The following SEMA5B variants were observed in gnomAD, a reference collection of about 807,000 sequenced individuals.
SEMA5B encodes semaphorin-5B.
A neutral mutation model predicts 135.0 loss-of-function variants in SEMA5B; 66 were observed. The observed-to-expected ratio is 0.49, with a 90% CI of 0.40 to 0.60. SEMA5B has a LOEUF of 0.60. Ranked by LOEUF, SEMA5B falls within the 20% of genes least tolerant of loss-of-function variation. The probability of loss-of-function intolerance (pLI) is 0.00; values close to 1 mark genes in which losing one functional copy is unlikely to be tolerated. For missense variants in SEMA5B, 1,501 were observed against 1,566.3 expected (o/e 0.96, Z 0.70); for synonymous variants, 690 against 639.5 (o/e 1.08, Z -1.19).
At chr3:122,961,779 C>T (rs1173545580) in intron 1 of SEMA5B, among the ~76,000 whole-genome samples, 3 of 152,120 alleles carry the variant, frequency 2.0e-5, no homozygotes, top group Admixed American at 2.0e-4. Flanking sequence ...CACACCAGGC[C>T]TCAAACACAC....
chr3:123,024,226 G>C (rs1156573446), intron 1 of SEMA5B, among the ~76,000 whole-genome samples: 1 of 152,098 alleles, frequency 6.6e-6, no homozygotes, highest in African/African-American at 2.4e-5. Flanking sequence ...CAAATAATTG[G>C]ACCCAATAGC....
intron 15 of SEMA5B, 44 bp downstream of exon 15, chr3:122,913,814 G>A (rs535420789): frequency 4.5e-6 from 7 of 1,567,220 alleles, no homozygotes; most frequent in South Asian, 3.6e-5. Flanking sequence ...TTTCTGGGGG[G>A]CCCGGTTAGT....
intron 1 of SEMA5B, among the ~76,000 whole-genome samples, chr3:122,972,633 C>T (rs1193357245): frequency 2.6e-5 from 4 of 152,216 alleles, no homozygotes; most frequent in African/African-American, 9.6e-5. Flanking sequence ...GAGAGACCCC[C>T]ACCTGAGTCG....
At chr3:122,949,527 G>C (rs937072609) in intron 2 of SEMA5B, among the ~76,000 whole-genome samples, 2 of 152,240 alleles carry the variant, frequency 1.3e-5, no homozygotes, top group African/African-American at 2.4e-5. Flanking sequence ...GTTTAACTTT[G>C]AAGCAGAGAA....
At chr3:123,010,544 C>A (rs972550273) in intron 1 of SEMA5B, among the ~76,000 whole-genome samples, 2 of 152,176 alleles carry the variant, frequency 1.3e-5, no homozygotes, top group Non-Finnish European at 2.9e-5. Flanking sequence ...GACGCAGTGC[C>A]TCACACCTGC....
intron 1 of SEMA5B, among the ~76,000 whole-genome samples, chr3:122,984,118 C>T (rs1560409433): frequency 1.3e-5 from 2 of 152,232 alleles, no homozygotes; most frequent in Admixed American, 6.5e-5. Flanking sequence ...CCATAATTCT[C>T]CGAGTAACCT....
Position 122,912,017 on chromosome 3 carries a change from C to G in SEMA5B, c.2949G>C (p.Gln983His). ...GCTCCTCACAGTGCCGGCTTCGGCT[C>G]TGGGCTCCGTCGTCAGTGCACTTAC... Reference protein sequence around the residue: ...EWSKCTDDGAQSRSRHCEELL... With the variant: ...EWSKCTDDGAHSRSRHCEELL... Residue 983 changes from glutamine to histidine, a missense_variant, in exon 20 of 23, where the codon CAG (glutamine) becomes CAC (histidine). Physicochemically the swap from Gln to His is conservative, Grantham distance 24. Transcript: ENST00000357599. 6.2e-7 allele frequency: 1 copy of G among 1,613,840 alleles called. No individual in the cohort carries two copies. Among genetic ancestry groups the G allele is most frequent in the Non-Finnish European group, 8.5e-7 (1 of 1,179,836 alleles).
At chr3:123,009,129 A>G (rs1015204649) in intron 1 of SEMA5B, among the ~76,000 whole-genome samples, 10 of 152,300 alleles carry the variant, frequency 6.6e-5, no homozygotes, top group African/African-American at 2.4e-4. Context: ...CTGGCAGGAA[A>G]TCAAGGCTCA....
intron 1 of SEMA5B, among the ~76,000 whole-genome samples, chr3:122,972,608 G>T (rs1282465322): frequency 6.6e-6 from 1 of 152,184 alleles, no homozygotes; most frequent in Non-Finnish European, 1.5e-5. Flanking sequence ...GATGTAACTG[G>T]GCCAGCACTG....
chr3:123,018,290 T>C lies in SEMA5B; in HGVS notation c.-39+9174A>G, dbSNP rs144142493. 3.8e-3 allele frequency among the ~76,000 whole-genome samples: 572 copies of C among 152,390 alleles called. 6 individuals carry two copies. Among genetic ancestry groups the C allele is most frequent in the African/African-American group, 0.01 (420 of 41,594 alleles). On this transcript the variant is annotated intron_variant, in intron 1 of 22. Transcript: ENST00000357599. ...GCTCATTCTAGAAAACCTAGGTTCC[T>C]GTACTTTTCACTCTGGGCTCTTCTG...
At chr3:122,962,475 C>T (rs957561800) in intron 1 of SEMA5B, among the ~76,000 whole-genome samples, 3 of 152,100 alleles carry the variant, frequency 2.0e-5, no homozygotes, top group Non-Finnish European at 2.9e-5. Flanking sequence ...GGGTCTGTCC[C>T]GTGAGAAAGA....
chr3:122,954,774 G>T (rs1405765365), intron 2 of SEMA5B, among the ~76,000 whole-genome samples: 1 of 151,192 alleles, frequency 6.6e-6, no homozygotes, highest in African/African-American at 2.4e-5. Context: ...AAAAATATGG[G>T]CCCTGTGGGG....
chr3:122,927,357 AT>A (rs989470689), intron 8 of SEMA5B, among the ~76,000 whole-genome samples: 4 of 151,864 alleles, frequency 2.6e-5, no homozygotes, highest in Non-Finnish European at 5.9e-5. Flanking sequence ...TGGCTGATTT[AT>A]TTTTTATTTT....
chr3:122,947,727 T>C (rs1041452967), intron 3 of SEMA5B, among the ~76,000 whole-genome samples: 6 of 152,174 alleles, frequency 3.9e-5, no homozygotes, highest in Non-Finnish European at 7.3e-5. Flanking sequence ...AACCTGCCAG[T>C]GTCCCTCAAA....
At chr3:122,947,579 C>T (rs1441053910) in intron 3 of SEMA5B, among the ~76,000 whole-genome samples, 1 of 152,224 alleles carries the variant, frequency 6.6e-6, no homozygotes, top group East Asian at 1.9e-4. Flanking sequence ...CAGAGCACTG[C>T]ACGTGGAATC....
At chr3:122,999,779 G>A (rs1462498342) in intron 1 of SEMA5B, among the ~76,000 whole-genome samples, 2 of 151,702 alleles carry the variant, frequency 1.3e-5, no homozygotes, top group Non-Finnish European at 2.9e-5. Context: ...ACATCCTGCA[G>A]CACAATCTCT....
rs1553785271 is a variant in SEMA5B at position 122,997,518 on chromosome 3, T to TCC, written c.-39+29944_-39+29945dup. Among the ~76,000 whole-genome samples, 178 of 142,880 alleles carry TCC rather than the reference T, an allele frequency of 1.2e-3. 3 individuals are homozygous for TCC. Among genetic ancestry groups the TCC allele is most frequent in the African/African-American group, 4.3e-3 (166 of 38,512 alleles). The allele number at this position is 142,880 out of a possible 152,430, so 93.7% of individuals were successfully genotyped here. On this transcript the variant is annotated intron_variant, in intron 1 of 22. Coordinates refer to ENST00000357599, the MANE Select transcript of SEMA5B (RefSeq NM_001031702.4). ...GCTACCTGGCTGGTCCCCAGGCCTCTCCCCCCCCCGTCTCCACCAGGGCAT... is the reference window on the plus strand; with the variant it reads ...GCTACCTGGCTGGTCCCCAGGCCTCTCCCCCCCCCCCGTCTCCACCAGGGCAT...
upstream of SEMA5B, among the ~76,000 whole-genome samples, chr3:123,028,243 TG>T (rs1396424772): frequency 6.6e-6 from 1 of 152,042 alleles, no homozygotes; most frequent in African/African-American, 2.4e-5. Context: ...TTCCTGCCTG[TG>T]GATTTGAAGG....
chr3:122,911,338 C>A (rs750463116), intron 21 of SEMA5B, 153 bp downstream of exon 21: 17 of 1,536,980 alleles, frequency 1.1e-5, no homozygotes, highest in Middle Eastern at 3.4e-4. Flanking sequence ...ATGGAGGGAA[C>A]TGCCCAGACC....
Sources: gnomAD v4.1 joint callset for allele counts (sites outside exome capture counted in the v4.1 genomes callset) on GRCh38, gnomAD v4.1.1 for gene constraint, MANE v1.5 for transcripts, NCBI Gene and HGNC (gene_info 2026-07-23, HGNC 2026-07-21) for gene names.